Variants in ZNF616 observed in about 807,000 individuals in gnomAD.
ZNF616 encodes zinc finger protein 616.
In ZNF616, 5 loss-of-function variants were observed where a neutral mutation model predicts 7.6. The observed-to-expected ratio is 0.66, with a 90% CI of 0.34 to 1.38. The LOEUF is 1.38. Ranked by LOEUF, ZNF616 falls within the 40% of genes most tolerant of loss-of-function variation. ZNF616 has a pLI of 0.04. For synonymous variants in ZNF616, 319 were observed against 317.2 expected (o/e 1.01, Z -0.06); for missense variants, 913 against 948.3 (o/e 0.96, Z 0.49).
rs189518221 is a variant in ZNF616 at position 52,132,474 on chromosome 19, G to A, written c.-76-1886C>T. 9.4e-3 allele frequency among the ~76,000 whole-genome samples: 1,432 copies of A among 152,260 alleles called. 26 individuals are homozygous for A. The highest frequency in any genetic ancestry group is 9.6e-3 in the Non-Finnish European group (652 of 68,010). ...CTCACACTGAATTGTAATCCCCACC[G>A]TTACTGGTGGGGCCTGGTGGGAGGT... On this transcript the variant is annotated intron_variant, in intron 1 of 3. Coordinates refer to ENST00000600228, the MANE Select transcript of ZNF616 (RefSeq NM_178523.5).
Position 52,119,907 on chromosome 19 carries a change from C to T in ZNF616, c.140-2883G>A, listed in dbSNP as rs111890977. Among the ~76,000 whole-genome samples, 613 of 151,880 alleles carry T rather than the reference C, an allele frequency of 4.0e-3. 4 individuals are homozygous for T. The highest frequency in any genetic ancestry group is 0.021 in the Middle Eastern group (6 of 292). ...ACAACCCTACATATCAAGAGATATG[C>T]GAAAAAATGTTCCTACAATATAATC... On this transcript the variant is annotated intron_variant, in intron 3 of 3. Coordinates refer to ENST00000600228, the MANE Select transcript of ZNF616 (RefSeq NM_178523.5).
intron 2 of ZNF616, among the ~76,000 whole-genome samples, chr19:52,129,502 A>G (rs1329679860): frequency 6.6e-6 from 1 of 152,198 alleles, no homozygotes; most frequent in African/African-American, 2.4e-5. Flanking sequence ...ACATCTGAGC[A>G]AAATTATAAC....
intron 3 of ZNF616, among the ~76,000 whole-genome samples, chr19:52,120,054 A>C (rs969587256): frequency 7.2e-5 from 11 of 152,176 alleles, no homozygotes; most frequent in Non-Finnish European, 1.6e-4. Context: ...CTTGGGATGC[A>C]GAAGAAGACA....
At chr19:52,136,113 G>C (rs2089004598) in intron 1 of ZNF616, among the ~76,000 whole-genome samples, 1 of 117,890 alleles carries the variant, frequency 8.5e-6, no homozygotes, top group Admixed American at 1.1e-4. Context: ...CTAGGCAGCA[G>C]AGTAAGACTT....
In ZNF616 at chr19:52,115,352, T is replaced by A; in HGVS notation, c.1812A>T (p.Pro604=). 6.2e-7 allele frequency: 1 copy of A among 1,613,988 alleles called. No homozygotes were observed. The highest frequency in any genetic ancestry group is 1.1e-5 in the South Asian group (1 of 91,072). The change falls in exon 4 of 4, where the codon CCA becomes CCT. Residue 604 remains proline, a synonymous_variant. Coordinates refer to ENST00000600228, the MANE Select transcript of ZNF616 (RefSeq NM_178523.5). Reference sequence around the variant, plus strand: ...CTTTGCCACATTCATGACATTTGTATGGTTTCTCTCCAGTATGAACTCTTC... The same window carrying A: ...CTTTGCCACATTCATGACATTTGTAAGGTTTCTCTCCAGTATGAACTCTTC... ...GHRRVHTGEK[P]YKCHECGKAF...
intron 2 of ZNF616, among the ~76,000 whole-genome samples, chr19:52,129,604 A>G (rs1347482820): frequency 6.6e-6 from 1 of 152,152 alleles, no homozygotes; most frequent in African/African-American, 2.4e-5. Flanking sequence ...AGAATCTGAC[A>G]TTCAGGTTGA....
chr19:52,120,802 C>G (rs1461474197), intron 3 of ZNF616, among the ~76,000 whole-genome samples: 1 of 151,944 alleles, frequency 6.6e-6, no homozygotes, highest in African/African-American at 2.4e-5. Flanking sequence ...TATTAGAGAT[C>G]CTTAATATAT....
At chr19:52,138,178 C>G (rs1398525684) in intron 1 of ZNF616, among the ~76,000 whole-genome samples, 2 of 152,140 alleles carry the variant, frequency 1.3e-5, no homozygotes, top group Admixed American at 1.3e-4. Flanking sequence ...AAAGATACAT[C>G]TTGTAGTGAC....
intron 1 of ZNF616, among the ~76,000 whole-genome samples, chr19:52,135,877 C>G (rs746610900): frequency 5.9e-4 from 89 of 152,134 alleles, no homozygotes; most frequent in Non-Finnish European, 1.1e-3. Context: ...GCCTGTAATC[C>G]TAGCATGTTG....
intron 3 of ZNF616, among the ~76,000 whole-genome samples, chr19:52,117,705 C>T: frequency 6.6e-6 from 1 of 151,988 alleles, no homozygotes; most frequent in East Asian, 1.9e-4. Context: ...CATATGATAA[C>T]TAGAAAATAT....
Position 52,116,891 on chromosome 19 carries a change from C to T in ZNF616, c.273G>A (p.Gln91=), listed in dbSNP as rs115753624. Residue 91 remains glutamine (Q), a synonymous_variant, in exon 4 of 4, where the codon CAG becomes CAA. Transcript: ENST00000600228. ...GAAATTCAAGGTCATGTAGATGTTT[C>T]TGTATTTCCCTGAAGTATAAATTTT... ...DIENLYFREI[Q]KHLHDLEFQW... The T allele has an allele frequency of 2.1e-3, 3,324 of 1,613,936 alleles. 101 individuals are homozygous for T. The East Asian group carries it at 0.042, about 20-fold the overall frequency.
chr19:52,124,813 A>T (rs1172409198), intron 2 of ZNF616, among the ~76,000 whole-genome samples: 1 of 152,210 alleles, frequency 6.6e-6, no homozygotes, highest in Non-Finnish European at 1.5e-5. Context: ...AGGTGCCAGA[A>T]GGACTGATGT....
At position 52,116,067 on chromosome 19, in the gene ZNF616, G is replaced by A. The variant is rs1307227783; in HGVS notation, c.1097C>T (p.Ser366Leu). 2 of 1,614,064 alleles carry A rather than the reference G, an allele frequency of 1.2e-6. No individual in the cohort carries two copies. The change falls in exon 4 of 4, where the codon TCA becomes TTA. Residue 366 changes from serine to leucine, a missense_variant. Physicochemically the swap from Ser to Leu is moderately radical, Grantham distance 145. Coordinates refer to ENST00000600228, the MANE Select transcript of ZNF616 (RefSeq NM_178523.5). ...DVCGKAFRHR[S>L]NLVCHRRIHS... is the part of the protein sequence containing the mutation. ...GATTCTCCGGTGACATACAAGATTT[G>A]ATCTATGTCTGAATGCCTTGCCACA... is the stretch of plus-strand genomic sequence containing the variant.
chr19:52,132,055 T>C lies in ZNF616; in HGVS notation c.-76-1467A>G, dbSNP rs560408079. ...GGTAGGGACGAGGTCTTCAAACATT[T>C]TTCTCCCACAGCTCACAGCACTTTT... On this transcript the variant is annotated intron_variant, in intron 1 of 3. Transcript: ENST00000600228. Among the ~76,000 whole-genome samples the C allele has an allele frequency of 2.7e-4, 41 of 152,254 alleles. 1 individual carries two copies. In the East Asian group the frequency reaches 3.3e-3, roughly 12 times the overall value.
rs771410271 is a variant in ZNF616, at chr19:52,116,924, A to G, written c.240T>C (p.Tyr80=). ...QTVALERHQS[Y]DIENLYFREI... ...CCCTGAAGTATAAATTTTCAATATC[A>G]TAGCTTTGATGTCTTTCCAGTGCCA... Residue 80 remains tyrosine (Y), a synonymous_variant, in exon 4 of 4, where the codon TAT becomes TAC. Coordinates refer to ENST00000600228, the MANE Select transcript of ZNF616 (RefSeq NM_178523.5). The G allele has an allele frequency of 1.9e-6, 3 of 1,613,978 alleles. No individual in the cohort carries two copies.
At chr19:52,122,208 G>C (rs115903808) in intron 3 of ZNF616, 1 of 152,036 alleles carries the variant, frequency 6.6e-6, no homozygotes, top group Non-Finnish European at 1.5e-5. Context: ...TGACCAGGCC[G>C]GGCGCAGTGG....
chr19:52,139,251 T>C lies in ZNF616; in HGVS notation c.-77+481A>G, dbSNP rs192111275. The stretch of plus-strand genomic sequence containing the variant: ...GCACATTTTCCAGTGGAGTAAAAAT[T>C]TGGGAAGGAACGACAGTGGGTGTCA... On this transcript the variant is annotated intron_variant, in intron 1 of 3. Transcript: ENST00000600228. This position sits in a 1 kb window ranked among gnomAD's most constrained non-coding sequence, Gnocchi z 4.1. 3.9e-5 allele frequency among the ~76,000 whole-genome samples: 6 copies of C among 151,934 alleles called. No individual in the cohort carries two copies. The highest frequency in any genetic ancestry group is 1.4e-4 in the African/African-American group (6 of 41,426).
At position 52,114,079 on chromosome 19, in the gene ZNF616, TATG is replaced by T. The variant is rs1189184390; in HGVS notation, c.*736_*738del. On this transcript the variant is annotated 3_prime_UTR_variant, in exon 4 of 4. Transcript: ENST00000600228. ...GGAAAGCCTCTGACACATACATTTA[TATG>T]ATTTCCTTTCAGTATAAACTCTCTT... 1 of 152,178 alleles carries T rather than the reference TATG, an allele frequency of 6.6e-6. No individual in the cohort carries two copies. The highest frequency in any genetic ancestry group is 1.5e-5 in the Non-Finnish European group (1 of 68,042). 9.4% of individuals were successfully genotyped at this position (152,178 alleles called of 1,614,324 possible). A position where few individuals can be genotyped will look rare whatever the true frequency, so the allele number is the denominator to read the frequency against.
intron 1 of ZNF616, chr19:52,138,406 A>C (rs1034780609): frequency 6.6e-6 from 1 of 152,228 alleles, no homozygotes; most frequent in African/African-American, 2.4e-5. Flanking sequence ...ATTTTAAATT[A>C]GAGTATAAAG....
Sources: allele counts gnomAD v4.1 joint callset (sites outside exome capture counted in the v4.1 genomes callset), GRCh38; gene constraint gnomAD v4.1.1; non-coding constraint Gnocchi (gnomAD v3.1); transcripts MANE v1.5; gene names NCBI Gene and HGNC (gene_info 2026-07-23, HGNC 2026-07-21).